The following LRP1B variants were observed in gnomAD, a reference collection of about 807,000 sequenced individuals.
LRP1B encodes the protein low-density lipoprotein receptor-related protein 1B.
In LRP1B, 217 loss-of-function variants were observed where a neutral mutation model predicts 556.6. The observed-to-expected ratio is 0.39, with a 90% CI of 0.35 to 0.44. The LOEUF (loss-of-function observed/expected upper bound fraction) is 0.44. Ranked by LOEUF, LRP1B falls within the 20% of genes least tolerant of loss-of-function variation. The probability of loss-of-function intolerance (pLI) is 1.00; values close to 1 mark genes in which losing one functional copy is unlikely to be tolerated. For synonymous variants in LRP1B, 2,047 were observed against 1,865.8 expected, an observed-to-expected ratio of 1.10 and a Z score of -2.50; for missense variants, 5,053 against 5,620.8, an observed-to-expected ratio of 0.90 and a Z score of 3.23.
chr2:141,791,636 AAC>A (rs766849788), intron 2 of LRP1B, among the ~76,000 whole-genome samples: 1 of 152,010 alleles, frequency 6.6e-6, no homozygotes, highest in Non-Finnish European at 1.5e-5. Context: ...TTGAGGTTGC[AAC>A]ACCTCTTTCT....
At chr2:142,118,270 T>A (rs1426151466) in intron 1 of LRP1B, among the ~76,000 whole-genome samples, 1 of 152,196 alleles carries the variant, frequency 6.6e-6, no homozygotes, top group East Asian at 1.9e-4. Context: ...GTATTTTGCA[T>A]GGAAGAATTT....
At chr2:141,034,949 A>G (rs1389744315) in intron 11 of LRP1B, among the ~76,000 whole-genome samples, 1 of 152,044 alleles carries the variant, frequency 6.6e-6, no homozygotes, top group Non-Finnish European at 1.5e-5. Flanking sequence ...AAAGACTTGG[A>G]ACCAACCCAA....
intron 79 of LRP1B, among the ~76,000 whole-genome samples, chr2:140,327,051 C>T (rs1044447724): frequency 2.6e-5 from 4 of 152,042 alleles, no homozygotes; most frequent in African/African-American, 9.7e-5. Context: ...ACTTTTGTGA[C>T]ATAGCTACTG....
intron 66 of LRP1B, among the ~76,000 whole-genome samples, chr2:140,412,563 A>C (rs1017565077): frequency 1.3e-5 from 2 of 152,100 alleles, no homozygotes; most frequent in Non-Finnish European, 2.9e-5. Context: ...GATTGTATTC[A>C]GGAAGGGAAA....
At chr2:140,747,364 T>C (rs2104881194) in intron 35 of LRP1B, among the ~76,000 whole-genome samples, 1 of 152,302 alleles carries the variant, frequency 6.6e-6, no homozygotes, top group Middle Eastern at 3.4e-3. Context: ...CTCTGCATGA[T>C]TTCTCCAGCA....
At chr2:141,925,019 T>C (rs1490014302) in intron 1 of LRP1B, among the ~76,000 whole-genome samples, 1 of 152,162 alleles carries the variant, frequency 6.6e-6, no homozygotes, top group Non-Finnish European at 1.5e-5. Flanking sequence ...AATTACCAGT[T>C]ATACAAACAG....
At chr2:140,309,444 C>A (rs1055490274) in intron 83 of LRP1B, among the ~76,000 whole-genome samples, 4 of 151,718 alleles carry the variant, frequency 2.6e-5, no homozygotes, top group African/African-American at 9.7e-5. Context: ...AACATTAGCC[C>A]AGAGAGCCGT....
In LRP1B at chr2:141,517,965, C is replaced by A. The variant is rs533799493; in HGVS notation, c.206-37432G>T. On this transcript the variant is annotated intron_variant, in intron 2 of 90. Transcript: ENST00000389484. The stretch of plus-strand genomic sequence containing the variant: ...ATTCACTCAACAAATATTTACTGAG[C>A]TCAAAACTATGTGTCATCACTAGAA... 4.6e-5 allele frequency among the ~76,000 whole-genome samples: 7 copies of A among 152,152 alleles called. No homozygotes were observed. The East Asian group carries it at 1.4e-3, about 29-fold the overall frequency.
chr2:140,956,770 C>A (rs546407046), intron 18 of LRP1B, among the ~76,000 whole-genome samples: 5 of 151,778 alleles, frequency 3.3e-5, no homozygotes, highest in South Asian at 2.1e-4. Flanking sequence ...CAAGGCTTTG[C>A]GGGCAGGTAA....
At chr2:141,158,097 T>C (rs1160356626) in intron 7 of LRP1B, among the ~76,000 whole-genome samples, 3 of 152,160 alleles carry the variant, frequency 2.0e-5, no homozygotes, top group Admixed American at 6.6e-5. Context: ...TCACTGAATA[T>C]AGGAAGGATT....
intron 35 of LRP1B, among the ~76,000 whole-genome samples, chr2:140,760,400 T>A (rs890271005): frequency 1.3e-5 from 2 of 152,152 alleles, no homozygotes; most frequent in Non-Finnish European, 2.9e-5. Flanking sequence ...TTTCCAGATA[T>A]TGCAAAGTGT....
intron 2 of LRP1B, among the ~76,000 whole-genome samples, chr2:141,780,142 A>G (rs1367569422): frequency 2.6e-5 from 4 of 151,640 alleles, no homozygotes; most frequent in African/African-American, 7.3e-5. Context: ...ATATTAATAA[A>G]TCATATAAAT....
chr2:141,024,673 CCTGTTTTTG>C (rs1558807698), intron 11 of LRP1B, among the ~76,000 whole-genome samples: 1 of 151,968 alleles, frequency 6.6e-6, no homozygotes, highest in Non-Finnish European at 1.5e-5. Context: ...TACAAGTTTG[CCTGTTTTTG>C]TTCCATGAAT....
chr2:142,114,795 A>G (rs1243242285), intron 1 of LRP1B, among the ~76,000 whole-genome samples: 1 of 152,118 alleles, frequency 6.6e-6, no homozygotes, highest in African/African-American at 2.4e-5. Context: ...GTTAATGATT[A>G]CAACATACAT....
intron 20 of LRP1B, among the ~76,000 whole-genome samples, chr2:140,945,896 T>C (rs72990177): frequency 0.062 from 9,494 of 152,076 alleles, 326 homozygotes; most frequent in East Asian, 0.081. Flanking sequence ...TCAAGCAAAA[T>C]AAACTGCCAA....
chr2:140,989,268 C>A (rs2105352134), intron 17 of LRP1B, among the ~76,000 whole-genome samples: 1 of 152,192 alleles, frequency 6.6e-6, no homozygotes, highest in South Asian at 2.1e-4. Flanking sequence ...AGGGACAAGT[C>A]TTGTACAAGT....
At chr2:141,308,038 C>T (rs1686665456) in intron 3 of LRP1B, among the ~76,000 whole-genome samples, 1 of 152,046 alleles carries the variant, frequency 6.6e-6, no homozygotes, top group Non-Finnish European at 1.5e-5. Context: ...GATGTGCTAC[C>T]TTATGGTCTT....
chr2:141,903,514 T>G (rs1048890729), intron 1 of LRP1B, among the ~76,000 whole-genome samples: 1 of 151,812 alleles, frequency 6.6e-6, no homozygotes, highest in Non-Finnish European at 1.5e-5. Context: ...ATAGGAAAAA[T>G]TAGAAAATAC....
intron 7 of LRP1B, among the ~76,000 whole-genome samples, chr2:141,080,590 C>T (rs1246743501): frequency 6.6e-6 from 1 of 152,162 alleles, no homozygotes; most frequent in African/African-American, 2.4e-5. Flanking sequence ...TTTCATTCAT[C>T]AAATACTTAT....
Sources: gnomAD v4.1 joint callset for allele counts (sites outside exome capture counted in the v4.1 genomes callset) on GRCh38, gnomAD v4.1.1 for gene constraint, MANE v1.5 for transcripts, NCBI Gene and HGNC (gene_info 2026-07-23, HGNC 2026-07-21) for gene names.